The following MICU1 variants were observed in gnomAD, a reference collection of about 807,000 sequenced individuals.
MICU1 encodes mitochondrial calcium uptake 1.
MICU1 carries 45 observed loss-of-function variants against 56.8 expected under a neutral mutation model. The observed-to-expected ratio is 0.79, with a 90% CI of 0.62 to 1.02. MICU1 has a LOEUF of 1.02. Among genes scored for constraint, MICU1 ranks in the 50% least tolerant of loss-of-function variants. The pLI is 0.00. For synonymous variants in MICU1, 186 were observed against 195.1 expected, an observed-to-expected ratio of 0.95 and a Z score of 0.39; for missense variants, 504 against 587.1, an observed-to-expected ratio of 0.86 and a Z score of 1.46.
chr10:72,426,208 A>G (rs1245974107), intron 8 of MICU1, among the ~76,000 whole-genome samples: 1 of 151,798 alleles, frequency 6.6e-6, no homozygotes, highest in Non-Finnish European at 1.5e-5. Flanking sequence ...AGTAGAGACA[A>G]GGTTTCACTA....
At chr10:72,604,268 G>A (rs550674254) in intron 1 of MICU1, among the ~76,000 whole-genome samples, 2 of 143,598 alleles carry the variant, frequency 1.4e-5, no homozygotes, top group African/African-American at 5.4e-5. Context: ...ATACTTTCCT[G>A]CCCTTTTTTT....
chr10:72,538,259 A>G (rs1182796579), intron 4 of MICU1, among the ~76,000 whole-genome samples: 4 of 152,152 alleles, frequency 2.6e-5, no homozygotes, highest in Non-Finnish European at 5.9e-5. Flanking sequence ...CTAGGACAGG[A>G]GATCTGCAAT....
intron 8 of MICU1, among the ~76,000 whole-genome samples, chr10:72,468,145 A>T (rs1383536935): frequency 3.9e-5 from 6 of 152,044 alleles, no homozygotes; most frequent in Non-Finnish European, 5.9e-5. Flanking sequence ...AAAATGTAAC[A>T]ATTTTATTGG....
intron 11 of MICU1, among the ~76,000 whole-genome samples, chr10:72,369,066 T>C (rs1862239004): frequency 6.6e-6 from 1 of 151,764 alleles, no homozygotes; most frequent in Non-Finnish European, 1.5e-5. Flanking sequence ...TCTCTTGAGG[T>C]CAAGAGTTTA....
rs1279074364 is a variant in MICU1 at position 72,454,792 on chromosome 10, A to AC, written c.933+20307_933+20308insG. 1.3e-4 allele frequency among the ~76,000 whole-genome samples: 20 copies of AC among 149,586 alleles called. No homozygotes were observed. The East Asian group carries it at 3.1e-3, about 23-fold the overall frequency. On this transcript the variant is annotated intron_variant, in intron 8 of 11. Coordinates refer to ENST00000361114, the MANE Select transcript of MICU1 (RefSeq NM_001195518.2). Reference sequence around the variant, plus strand: ...AGCGAAACTCCATCTCAAAAAAAAAAAAAAAACAAAAAACAAAAAATATAA... The same window carrying AC: ...AGCGAAACTCCATCTCAAAAAAAAAACAAAAAACAAAAAACAAAAAATATAA...
chr10:72,476,258 C>A (rs1866118997), intron 7 of MICU1, among the ~76,000 whole-genome samples: 1 of 147,396 alleles, frequency 6.8e-6, no homozygotes, highest in African/African-American at 2.5e-5. Context: ...GAGACAGGGT[C>A]TTGCCTGTCA....
At chr10:72,615,695 T>C (rs1178696924) in intron 1 of MICU1, among the ~76,000 whole-genome samples, 5 of 152,246 alleles carry the variant, frequency 3.3e-5, no homozygotes, top group African/African-American at 9.6e-5. Context: ...CTATTTAACA[T>C]GTTCAGTCTT....
intron 5 of MICU1, among the ~76,000 whole-genome samples, chr10:72,518,669 A>G (rs1867727176): frequency 6.6e-6 from 1 of 152,156 alleles, no homozygotes; most frequent in African/African-American, 2.4e-5. Context: ...AAAATTATTT[A>G]AATAGAACTG....
intron 10 of MICU1, among the ~76,000 whole-genome samples, chr10:72,397,562 G>C (rs879609592): frequency 1.4e-4 from 22 of 152,040 alleles, no homozygotes; most frequent in Non-Finnish European, 3.2e-4. Flanking sequence ...GACACACATG[G>C]GCTCAAAATA....
In MICU1 at chr10:72,407,957, G is replaced by A. The variant is rs764422809; in HGVS notation, c.1152C>T (p.Tyr384=). The A allele has an allele frequency of 1.9e-6, 3 of 1,613,308 alleles. No homozygotes were observed. In the South Asian group the frequency reaches 3.3e-5, roughly 18 times the overall value. The change falls in exon 10 of 12, where the codon TAC becomes TAT. Residue 384 remains tyrosine (Y), a synonymous_variant. Coordinates refer to ENST00000361114, the MANE Select transcript of MICU1 (RefSeq NM_001195518.2). ...TATCAAGAGATGCTCCAGCCATATG[G>A]TAAAAACTCAATGCAGTGTCCACAT... ...INDVDTALSF[Y]HMAGASLDKV... is the part of the protein sequence containing the mutation.
intron 1 of MICU1, among the ~76,000 whole-genome samples, chr10:72,569,183 A>AT (rs1840525681): frequency 7.0e-6 from 1 of 143,378 alleles, no homozygotes; most frequent in Non-Finnish European, 1.5e-5. Flanking sequence ...TTAAAACAAT[A>AT]CATTTCTAAA....
chr10:72,568,716 C>T (rs1209021033), intron 1 of MICU1, among the ~76,000 whole-genome samples: 1 of 150,716 alleles, frequency 6.6e-6, no homozygotes, highest in Non-Finnish European at 1.5e-5. Context: ...ACTAATTCAG[C>T]ATCCAAGATA....
chr10:72,476,920 C>T (rs1258464106), intron 7 of MICU1, among the ~76,000 whole-genome samples: 1 of 152,106 alleles, frequency 6.6e-6, no homozygotes, highest in Non-Finnish European at 1.5e-5. Context: ...GCATTATAAC[C>T]CAATTTATGT....
intron 1 of MICU1, among the ~76,000 whole-genome samples, chr10:72,583,645 G>A (rs943825641): frequency 2.6e-5 from 4 of 152,104 alleles, no homozygotes; most frequent in East Asian, 3.8e-4. Flanking sequence ...GAAATTATTC[G>A]AGGAATGGGA....
chr10:72,455,788 T>C (rs117493713), intron 8 of MICU1, among the ~76,000 whole-genome samples: 4,909 of 151,914 alleles, frequency 0.032, 103 homozygotes, highest in Middle Eastern at 0.1. Context: ...GTGCATAGCA[T>C]AATAGGGACT....
chr10:72,565,168 T>C (rs905673386), intron 2 of MICU1, among the ~76,000 whole-genome samples: 24 of 151,182 alleles, frequency 1.6e-4, no homozygotes, highest in Non-Finnish European at 2.8e-4. Flanking sequence ...TACATCATGC[T>C]GCTATAAAGA....
At chr10:72,499,542 G>A (rs1434584137) in intron 6 of MICU1, among the ~76,000 whole-genome samples, 1 of 152,044 alleles carries the variant, frequency 6.6e-6, no homozygotes, top group Admixed American at 6.6e-5. Flanking sequence ...ACCTCTCATA[G>A]GCTAAAATAA....
At chr10:72,605,334 C>T (rs1377012880) in intron 1 of MICU1, among the ~76,000 whole-genome samples, 1 of 152,212 alleles carries the variant, frequency 6.6e-6, no homozygotes, top group Non-Finnish European at 1.5e-5. Context: ...ATTTCCCACC[C>T]AGTTCCCTAG....
At chr10:72,514,421 G>A (rs562989423) in intron 5 of MICU1, among the ~76,000 whole-genome samples, 1 of 151,744 alleles carries the variant, frequency 6.6e-6, no homozygotes, top group Admixed American at 6.6e-5. Context: ...TGGACATTTT[G>A]TATATTATAA....
Sources: gnomAD v4.1 joint callset for allele counts (sites outside exome capture counted in the v4.1 genomes callset) on GRCh38, gnomAD v4.1.1 for gene constraint, MANE v1.5 for transcripts, NCBI Gene and HGNC (gene_info 2026-07-23, HGNC 2026-07-21) for gene names.